The following FBXO32 variants were observed in gnomAD, a reference collection of about 807,000 sequenced individuals.
The protein encoded by FBXO32 is F-box protein 32.
Under a neutral mutation model 48.3 loss-of-function variants are expected in FBXO32, and 15 were observed. That is an observed-to-expected ratio of 0.31 (90% confidence interval 0.21 to 0.48). The LOEUF is 0.48. Ranked by LOEUF, FBXO32 falls within the 20% of genes least tolerant of loss-of-function variation. The pLI is 0.99. For synonymous variants in FBXO32, 154 were observed against 165.9 expected, an observed-to-expected ratio of 0.93 and a Z score of 0.55; for missense variants, 309 against 432.7, an observed-to-expected ratio of 0.71 and a Z score of 2.54.
rs1816400533 is a variant in FBXO32 at position 123,498,300 on chromosome 8, C to A, written c.*5073G>T. 1 of 152,170 alleles carries A rather than the reference C, an allele frequency of 6.6e-6. No homozygotes were observed. Among genetic ancestry groups the A allele is most frequent in the Admixed American group, 6.6e-5 (1 of 15,264 alleles). The allele number at this position is 152,170 out of a possible 1,614,324, so 9.4% of individuals were successfully genotyped here. On this transcript the variant is annotated 3_prime_UTR_variant, in exon 9 of 9. Coordinates refer to ENST00000517956, the MANE Select transcript of FBXO32 (RefSeq NM_058229.4). Reference sequence around the variant, plus strand: ...CGTTAATTAAACAAACACATCTATACTCAAAGACAGAAAAAGTCATGTTTA... The same window carrying A: ...CGTTAATTAAACAAACACATCTATAATCAAAGACAGAAAAAGTCATGTTTA...
intron 6 of FBXO32, among the ~76,000 whole-genome samples, chr8:123,512,144 C>A (rs1816747030): frequency 6.6e-6 from 1 of 152,178 alleles, no homozygotes; most frequent in Non-Finnish European, 1.5e-5. Flanking sequence ...CATCCGTGCT[C>A]TGCTCTGTGT....
intron 4 of FBXO32, among the ~76,000 whole-genome samples, chr8:123,516,417 C>A (rs537910582): frequency 1.3e-5 from 2 of 152,258 alleles, no homozygotes; most frequent in Non-Finnish European, 2.9e-5. Context: ...GTTTCATCTC[C>A]TGGCCAGGCC....
chr8:123,506,336 T>C lies in FBXO32; in HGVS notation c.834+56A>G, dbSNP rs1816618040. On this transcript the variant is annotated intron_variant, in intron 7 of 8. Coordinates refer to ENST00000517956, the MANE Select transcript of FBXO32 (RefSeq NM_058229.4). The surrounding 1 kb of genome is among the most constrained non-coding windows in gnomAD (Gnocchi z 4.0). ...GGCTTGAGCAGGGCACCAAGGAAGT[T>C]TGGGGTGAGGGCCAGAGAAGGAGGG... is the stretch of plus-strand genomic sequence containing the variant. 4 of 1,583,166 alleles carry C rather than the reference T, an allele frequency of 2.5e-6. No homozygotes were observed. The highest frequency in any genetic ancestry group is 4.5e-5 in the East Asian group (2 of 44,114).
In FBXO32 at chr8:123,506,854, G is replaced by A. The variant is rs564689003; in HGVS notation, c.652-280C>T. Reference sequence around the variant, plus strand: ...CACTCTTAAAGACTCTCCAAATAGCGCATGTGCTTTACTCAGTTCACACAA... The same window carrying A: ...CACTCTTAAAGACTCTCCAAATAGCACATGTGCTTTACTCAGTTCACACAA... On this transcript the variant is annotated intron_variant, in intron 6 of 8. Transcript: ENST00000517956. The surrounding 1 kb of genome is among the most constrained non-coding windows in gnomAD (Gnocchi z 4.0). 3.3e-5 allele frequency among the ~76,000 whole-genome samples: 5 copies of A among 152,192 alleles called. No homozygotes were observed. Among genetic ancestry groups the A allele is most frequent in the Admixed American group, 6.5e-5 (1 of 15,286 alleles).
At position 123,504,664 on chromosome 8, in the gene FBXO32, C is replaced by G. The variant is rs1223805636; in HGVS notation, c.918G>C (p.Arg306Ser). 6.2e-7 allele frequency: 1 copy of G among 1,614,118 alleles called. No individual in the cohort carries two copies. Among genetic ancestry groups the G allele is most frequent in the East Asian group, 2.2e-5 (1 of 44,864 alleles). The change falls in exon 8 of 9, where the codon AGG becomes AGC. Residue 306 changes from arginine (R) to serine (S), a missense_variant. Transcript: ENST00000517956. ...MYFKLVRCYP[R>S]KEQYGDTLQL... is the part of the protein sequence containing the mutation. ...GAAGGGTATCTCCATACTGCTCTTT[C>G]CTTGGGTAACATCGGACAAGTTTGA...
rs767832865 is a variant in FBXO32 at position 123,504,771 on chromosome 8, A to C, written c.835-24T>G. ...ATCTAAAAAATCAAATGAATAAAGGAAATGACAGGAGAGTTTGTCAAGAAG... is the reference window on the plus strand; with the variant it reads ...ATCTAAAAAATCAAATGAATAAAGGCAATGACAGGAGAGTTTGTCAAGAAG... On this transcript the variant is annotated intron_variant, in intron 7 of 8. Coordinates refer to ENST00000517956, the MANE Select transcript of FBXO32 (RefSeq NM_058229.4). 27 of 1,608,510 alleles carry C rather than the reference A, an allele frequency of 1.7e-5. No individual in the cohort carries two copies. The East Asian group carries it at 5.4e-4, about 32-fold the overall frequency.
chr8:123,517,551 T>C (rs1275655611), intron 4 of FBXO32, among the ~76,000 whole-genome samples: 2 of 151,890 alleles, frequency 1.3e-5, no homozygotes, highest in African/African-American at 2.4e-5. Context: ...AAGACCTGGA[T>C]TCTCTAGCTG....
chr8:123,514,143 A>T, intron 5 of FBXO32, 97 bp downstream of exon 5: 1 of 797,984 alleles, frequency 1.3e-6, no homozygotes, highest in Admixed American at 2.9e-5. Flanking sequence ...ATCCATTCAC[A>T]TGTCTTTAAG....
At chr8:123,505,867 G>A (rs1816606110) in intron 7 of FBXO32, among the ~76,000 whole-genome samples, 1 of 152,130 alleles carries the variant, frequency 6.6e-6, no homozygotes, top group South Asian at 2.1e-4. Context: ...GGTTAAGAAT[G>A]TAAGTTTAAT....
chr8:123,538,680 G>A (rs1432123720), intron 1 of FBXO32, among the ~76,000 whole-genome samples: 1 of 152,188 alleles, frequency 6.6e-6, no homozygotes, highest in Admixed American at 6.5e-5. Context: ...CAGCTGCTTT[G>A]CTAGGAGGCT....
rs140223880 is a variant in FBXO32 at position 123,506,446 on chromosome 8, G to A, written c.780C>T (p.Ser260=). The change falls in exon 7 of 9, where the codon AGC becomes AGT. Residue 260 remains serine, a synonymous_variant. Coordinates refer to ENST00000517956, the MANE Select transcript of FBXO32 (RefSeq NM_058229.4). The surrounding 1 kb of genome is among the most constrained non-coding windows in gnomAD (Gnocchi z 4.0). ...GTTTCTTCCACAGCAGCCGGTCTTC[G>A]CTGAGCACGTGCAGGTCGGGGGCAG... ...GQAAPDLHVL[S]EDRLLWKKLC... The A allele has an allele frequency of 6.9e-4, 1,110 of 1,614,082 alleles. 4 individuals are homozygous for A. Among genetic ancestry groups the A allele is most frequent in the South Asian group, 1.4e-3 (126 of 91,074 alleles).
intron 3 of FBXO32, 160 bp from the exon 4 acceptor site, chr8:123,532,150 C>T (rs532546498): frequency 2.1e-6 from 3 of 1,403,792 alleles, no homozygotes; most frequent in African/African-American, 2.9e-5. Flanking sequence ...ACCCACAAGC[C>T]CTTGAGAGCC....
chr8:123,530,045 G>A (rs1345064717), intron 4 of FBXO32, among the ~76,000 whole-genome samples: 1 of 152,178 alleles, frequency 6.6e-6, no homozygotes, highest in Non-Finnish European at 1.5e-5. Flanking sequence ...GGCCCTAGGA[G>A]GACTAGGTGA....
In FBXO32 at chr8:123,525,882, A is replaced by T. The variant is rs144207000; in HGVS notation, c.372+6016T>A. Among the ~76,000 whole-genome samples the T allele has an allele frequency of 9.8e-5, 15 of 152,286 alleles. No individual in the cohort carries two copies. Among genetic ancestry groups the T allele is most frequent in the Non-Finnish European group, 2.1e-4 (14 of 68,026 alleles). ...ATCTGGGGATGCCAGAGCCTGTTAG[A>T]AGTCATGACTTTCTGAAACACTGCT... On this transcript the variant is annotated intron_variant, in intron 4 of 8. Transcript: ENST00000517956. This position sits in a 1 kb window ranked among gnomAD's most constrained non-coding sequence, Gnocchi z 4.3.
At chr8:123,518,668 T>G (rs1170913177) in intron 4 of FBXO32, among the ~76,000 whole-genome samples, 1 of 152,222 alleles carries the variant, frequency 6.6e-6, no homozygotes, top group African/African-American at 2.4e-5. Context: ...ACATTTGTAA[T>G]CTTGTTTATC....
At chr8:123,519,723 C>T (rs1816913219) in intron 4 of FBXO32, among the ~76,000 whole-genome samples, 1 of 152,116 alleles carries the variant, frequency 6.6e-6, no homozygotes, top group East Asian at 1.9e-4. Flanking sequence ...ACTCTATAGG[C>T]CCAGAGCTAC....
chr8:123,523,257 A>G (rs1470676961), intron 4 of FBXO32, among the ~76,000 whole-genome samples: 2 of 152,210 alleles, frequency 1.3e-5, no homozygotes, highest in Non-Finnish European at 2.9e-5. Flanking sequence ...CTAAGTTATG[A>G]TAAGCCCCCA....
In FBXO32 at chr8:123,503,296, T is replaced by G; in HGVS notation, c.*77A>C. 3 of 1,176,470 alleles carry G rather than the reference T, an allele frequency of 2.6e-6. No individual in the cohort carries two copies. Among genetic ancestry groups the G allele is most frequent in the Non-Finnish European group, 3.8e-6 (3 of 792,104 alleles). 72.9% of individuals were successfully genotyped at this position (1,176,470 alleles called of 1,614,324 possible). A position where few individuals can be genotyped will look rare whatever the true frequency, so the allele number is the denominator to read the frequency against. Reference sequence around the variant, plus strand: ...GTTTAAAATGTACACTATTTACAAATGAAGTGTCCAAATGCCATATTCCCA... The same window carrying G: ...GTTTAAAATGTACACTATTTACAAAGGAAGTGTCCAAATGCCATATTCCCA... On this transcript the variant is annotated 3_prime_UTR_variant, in exon 9 of 9. Coordinates refer to ENST00000517956, the MANE Select transcript of FBXO32 (RefSeq NM_058229.4).
rs948301023 is a variant in FBXO32 at position 123,514,164 on chromosome 8, C to T, written c.466+76G>A. On this transcript the variant is annotated intron_variant, in intron 5 of 8. Transcript: ENST00000517956. Reference sequence around the variant, plus strand: ...TCACATGTCTTTAAGTCTAATGACACGTCCACTTCATTGGAAAATCCATCT... The same window carrying T: ...TCACATGTCTTTAAGTCTAATGACATGTCCACTTCATTGGAAAATCCATCT... 2.5e-5 allele frequency: 25 copies of T among 1,007,388 alleles called. No individual in the cohort carries two copies. In the Admixed American group the frequency reaches 3.5e-4, roughly 14 times the overall value. 62.4% of individuals were successfully genotyped at this position (1,007,388 alleles called of 1,614,324 possible).
Sources: gnomAD v4.1 joint callset for allele counts (sites outside exome capture counted in the v4.1 genomes callset) on GRCh38, gnomAD v4.1.1 for gene constraint, Gnocchi (gnomAD v3.1) non-coding constraint, MANE v1.5 for transcripts, NCBI Gene and HGNC (gene_info 2026-07-23, HGNC 2026-07-21) for gene names.